The following PALS2 variants were observed in gnomAD, a reference collection of about 807,000 sequenced individuals.
The protein encoded by PALS2 is protein PALS2.
A neutral mutation model predicts 61.6 loss-of-function variants in PALS2; 27 were observed. The observed-to-expected ratio is 0.44, with a 90% confidence interval of 0.32 to 0.60. The LOEUF is 0.60. PALS2 is among the 20% of genes least tolerant of loss of function. The probability of loss-of-function intolerance (pLI) is 0.05; values close to 1 mark genes in which losing one functional copy is unlikely to be tolerated. For missense variants in PALS2, 554 were observed against 639.4 expected, an observed-to-expected ratio of 0.87 and a Z score of 1.44; for synonymous variants, 236 against 218.6, an observed-to-expected ratio of 1.08 and a Z score of -0.70.
chr7:24,677,617 C>T (rs542354609), intron 9 of PALS2, among the ~76,000 whole-genome samples: 3 of 152,210 alleles, frequency 2.0e-5, no homozygotes, highest in South Asian at 2.1e-4. Context: ...TTTTCTGCAT[C>T]TATTGAGATA....
At chr7:24,659,464 T>C (rs1470373628) in intron 5 of PALS2, among the ~76,000 whole-genome samples, 2 of 152,228 alleles carry the variant, frequency 1.3e-5, no homozygotes, top group African/African-American at 4.8e-5. Flanking sequence ...ACATGTCCAC[T>C]AGCGGTTCCC....
intron 1 of PALS2, among the ~76,000 whole-genome samples, chr7:24,603,327 C>G (rs1783783313): frequency 6.6e-6 from 1 of 152,164 alleles, no homozygotes; most frequent in African/African-American, 2.4e-5. Flanking sequence ...AGAAGACACA[C>G]AAACTAAACC....
chr7:24,671,889 C>T (rs1182195784), intron 9 of PALS2, among the ~76,000 whole-genome samples: 1 of 151,774 alleles, frequency 6.6e-6, no homozygotes, highest in Admixed American at 6.6e-5. Context: ...AGTTCTGTTC[C>T]ATTAACCTAG....
chr7:24,660,293 T>G (rs971869399), intron 5 of PALS2, among the ~76,000 whole-genome samples: 1 of 152,140 alleles, frequency 6.6e-6, no homozygotes, highest in Non-Finnish European at 1.5e-5. Context: ...GAGATCTCCC[T>G]CTGAATCCTT....
chr7:24,633,351 T>G (rs1401435288), intron 2 of PALS2, among the ~76,000 whole-genome samples: 1 of 102,494 alleles, frequency 9.8e-6, no homozygotes, highest in East Asian at 2.1e-4. Flanking sequence ...GTTGGTGGAG[T>G]TTTTTTTTTT....
intron 1 of PALS2, among the ~76,000 whole-genome samples, chr7:24,609,605 C>T (rs538853541): frequency 1.3e-5 from 2 of 152,122 alleles, no homozygotes; most frequent in South Asian, 2.1e-4. Flanking sequence ...GTTTGAAAAA[C>T]CCTGCTTTAG....
At chr7:24,600,676 T>A (rs1363094166) in intron 1 of PALS2, among the ~76,000 whole-genome samples, 1 of 152,134 alleles carries the variant, frequency 6.6e-6, no homozygotes, top group Non-Finnish European at 1.5e-5. Flanking sequence ...ATTTAACTAT[T>A]TTTTATAGGT....
chr7:24,588,751 T>A (rs1282467968), intron 1 of PALS2, among the ~76,000 whole-genome samples: 1 of 152,206 alleles, frequency 6.6e-6, no homozygotes, highest in Non-Finnish European at 1.5e-5. Context: ...ACACTGAAAT[T>A]CTAGAATGAA....
chr7:24,633,281 GA>G (rs1255814422), intron 2 of PALS2, among the ~76,000 whole-genome samples: 1 of 141,672 alleles, frequency 7.1e-6, no homozygotes, highest in African/African-American at 2.7e-5. Context: ...AATTTTTGTT[GA>G]AAAAGTCCTT....
rs150530564 is a variant in PALS2, at chr7:24,642,665, G to C, written c.270+797G>C. On this transcript the variant is annotated intron_variant, in intron 3 of 11. Transcript: ENST00000222644. ...GAAAATCAAATGGTAACAGCCTTTT[G>C]CTCTTTCTCAGCCAAAGATTTTATG... Among the ~76,000 whole-genome samples, 3 of 152,216 alleles carry C rather than the reference G, an allele frequency of 2.0e-5. No individual in the cohort carries two copies. The East Asian group carries it at 5.8e-4, about 29-fold the overall frequency.
intron 1 of PALS2, among the ~76,000 whole-genome samples, chr7:24,604,419 C>G (rs866828162): frequency 1.3e-5 from 2 of 151,776 alleles, no homozygotes; most frequent in African/African-American, 4.8e-5. Flanking sequence ...ATGTGAAGAT[C>G]AATAAAAAGT....
At chr7:24,663,395 TTTTA>T in intron 5 of PALS2, 191 bp from the exon 6 acceptor site, 1 of 427,546 alleles carries the variant, frequency 2.3e-6, no homozygotes, top group Non-Finnish European at 3.9e-6. Context: ...AGAGAAGAAG[TTTTA>T]TTATCTTTCT....
intron 1 of PALS2, among the ~76,000 whole-genome samples, chr7:24,613,035 TAAGC>T (rs1171424552): frequency 6.6e-6 from 1 of 151,770 alleles, no homozygotes; most frequent in Non-Finnish European, 1.5e-5. Context: ...TGATATATCT[TAAGC>T]ATTGAGATGA....
intron 9 of PALS2, among the ~76,000 whole-genome samples, chr7:24,676,605 G>A (rs1049998910): frequency 4.6e-5 from 7 of 151,976 alleles, no homozygotes; most frequent in Non-Finnish European, 1.0e-4. Context: ...GCTAGCCAGT[G>A]GTCCCAGCAC....
At chr7:24,655,630 ATTTTTTTTTT>A (rs770410952) in intron 5 of PALS2, among the ~76,000 whole-genome samples, 1 of 96,910 alleles carries the variant, frequency 1.0e-5, no homozygotes, top group African/African-American at 4.0e-5. Context: ...TAGTTAGTAG[ATTTTTTTTTT>A]TTTTTTTTTT....
intron 3 of PALS2, among the ~76,000 whole-genome samples, chr7:24,642,669 T>C (rs1246127361): frequency 6.6e-6 from 1 of 152,186 alleles, no homozygotes; most frequent in Admixed American, 6.5e-5. Flanking sequence ...CCTTTTGCTC[T>C]TTCTCAGCCA....
chr7:24,662,863 G>T (rs945824508), intron 5 of PALS2, among the ~76,000 whole-genome samples: 2 of 148,936 alleles, frequency 1.3e-5, no homozygotes, highest in Non-Finnish European at 3.0e-5. Context: ...AATTTAATTA[G>T]AATTTAAATT....
At chr7:24,580,944 A>G (rs1782817495) in intron 1 of PALS2, among the ~76,000 whole-genome samples, 1 of 152,190 alleles carries the variant, frequency 6.6e-6, no homozygotes, top group African/African-American at 2.4e-5. Flanking sequence ...AGTCACTAAA[A>G]TCTTTTTATG....
At chr7:24,621,955 T>C (rs1407757509) in intron 1 of PALS2, among the ~76,000 whole-genome samples, 1 of 152,006 alleles carries the variant, frequency 6.6e-6, no homozygotes, top group Non-Finnish European at 1.5e-5. Context: ...CTTTATTGAA[T>C]TGTCTTGGCA....
Sources: allele counts gnomAD v4.1 joint callset (sites outside exome capture counted in the v4.1 genomes callset), GRCh38; gene constraint gnomAD v4.1.1; transcripts MANE v1.5; gene names NCBI Gene and HGNC (gene_info 2026-07-23, HGNC 2026-07-21).